Variants in COL14A1 observed in about 807,000 individuals in gnomAD.
COL14A1 encodes collagen alpha-1(XIV) chain.
Under a neutral mutation model 230.3 loss-of-function variants are expected in COL14A1, and 136 were observed. The observed-to-expected ratio is 0.59, with a 90% CI of 0.51 to 0.68. The LOEUF is 0.68. Ranked by LOEUF, COL14A1 falls within the 30% of genes least tolerant of loss-of-function variation. The probability of loss-of-function intolerance (pLI) is 0.00; values close to 1 mark genes in which losing one functional copy is unlikely to be tolerated. For synonymous variants in COL14A1, 792 were observed against 784.1 expected (o/e 1.01, Z -0.17); for missense variants, 1,976 against 2,215.8 (o/e 0.89, Z 2.17).
chr8:120,137,023 G>C (rs73317783), intron 1 of COL14A1, among the ~76,000 whole-genome samples: 11,401 of 146,836 alleles, frequency 0.078, 1,149 homozygotes, highest in African/African-American at 0.23. Flanking sequence ...TTCAGGAAGA[G>C]TTTGTGTAGG....
chr8:120,313,903 T>C lies in COL14A1; in HGVS notation c.4456-29T>C, dbSNP rs752611399. 3 of 1,451,866 alleles carry C rather than the reference T, an allele frequency of 2.1e-6. No individual in the cohort carries two copies. The South Asian group carries it at 3.6e-5, about 17-fold the overall frequency. 89.9% of individuals were successfully genotyped at this position (1,451,866 alleles called of 1,614,324 possible). ...GATGTCAGAGAGTCTAACTTACTTT[T>C]AGGATGATACTTCTCTCTTGCCTTC... On this transcript the variant is annotated intron_variant, in intron 37 of 47. Coordinates refer to ENST00000297848, the MANE Select transcript of COL14A1 (RefSeq NM_021110.4).
At chr8:120,159,969 G>A (rs1180583740) in intron 3 of COL14A1, among the ~76,000 whole-genome samples, 1 of 152,152 alleles carries the variant, frequency 6.6e-6, no homozygotes, top group African/African-American at 2.4e-5. Flanking sequence ...TGGGATTACA[G>A]GTGTGAGCTA....
intron 26 of COL14A1, among the ~76,000 whole-genome samples, chr8:120,275,177 A>G (rs1260864212): frequency 6.6e-6 from 1 of 152,048 alleles, no homozygotes; most frequent in Non-Finnish European, 1.5e-5. Flanking sequence ...GAGAGAACCC[A>G]GAAATAAAGT....
At chr8:120,311,987 C>A (rs1821058700) in intron 37 of COL14A1, among the ~76,000 whole-genome samples, 1 of 151,988 alleles carries the variant, frequency 6.6e-6, no homozygotes, top group Non-Finnish European at 1.5e-5. Context: ...GTCCCAGCTA[C>A]TCGGGAGGCT....
chr8:120,308,261 C>T (rs958057938), intron 36 of COL14A1, among the ~76,000 whole-genome samples: 3 of 152,220 alleles, frequency 2.0e-5, no homozygotes, highest in Non-Finnish European at 4.4e-5. Context: ...GGATTACAGG[C>T]GTGAGCCAGT....
intron 26 of COL14A1, among the ~76,000 whole-genome samples, chr8:120,271,767 T>G (rs1819671828): frequency 6.6e-6 from 1 of 151,596 alleles, no homozygotes; most frequent in Non-Finnish European, 1.5e-5. Flanking sequence ...CAGATCATCT[T>G]GAGTCTTGTG....
chr8:120,203,635 G>T, intron 8 of COL14A1, 74 bp from the exon 9 acceptor site: 1 of 1,474,686 alleles, frequency 6.8e-7, no homozygotes, highest in African/African-American at 1.4e-5. Context: ...GACTGGGTCA[G>T]ATCAGGCCCA....
chr8:120,283,353 A>G (rs936574640), intron 31 of COL14A1, among the ~76,000 whole-genome samples: 2 of 152,234 alleles, frequency 1.3e-5, no homozygotes, highest in African/African-American at 4.8e-5. Flanking sequence ...AAAATAGCCA[A>G]ACAAGAGAAG....
At chr8:120,301,781 C>T (rs1022740299) in intron 36 of COL14A1, among the ~76,000 whole-genome samples, 3 of 152,154 alleles carry the variant, frequency 2.0e-5, no homozygotes, top group African/African-American at 7.2e-5. Flanking sequence ...AATCACCACA[C>T]TGCTTTTCAC....
chr8:120,191,325 G>A (rs1007942667), intron 5 of COL14A1, among the ~76,000 whole-genome samples: 1 of 152,048 alleles, frequency 6.6e-6, no homozygotes, highest in Non-Finnish European at 1.5e-5. Flanking sequence ...TCAGGAGCAG[G>A]TTGTTCAGTT....
chr8:120,308,708 C>T (rs1820927463), intron 36 of COL14A1, among the ~76,000 whole-genome samples: 2 of 152,212 alleles, frequency 1.3e-5, no homozygotes, highest in South Asian at 4.1e-4. Context: ...TTAAGTGATA[C>T]AGCATTCTGC....
chr8:120,289,917 T>C (rs1221697609), intron 34 of COL14A1, 151 bp downstream of exon 34: 4 of 781,810 alleles, frequency 5.1e-6, no homozygotes, highest in Admixed American at 3.2e-5. Flanking sequence ...GATGGATAGA[T>C]GGATGGATAA....
intron 34 of COL14A1, among the ~76,000 whole-genome samples, chr8:120,292,405 A>G (rs879898613): frequency 1.1e-4 from 17 of 152,172 alleles, no homozygotes; most frequent in Admixed American, 2.0e-4. Context: ...AAGTCATAGC[A>G]TTTGTTGAAT....
Position 120,158,239 on chromosome 8 carries a change from A to C in COL14A1, c.198A>C (p.Pro66=). 1 of 1,567,470 alleles carries C rather than the reference A, an allele frequency of 6.4e-7. No individual in the cohort carries two copies. The highest frequency in any genetic ancestry group is 8.8e-7 in the Non-Finnish European group (1 of 1,139,346). The part of the protein sequence containing the change: ...KFGGYKLLVT[P]TSGGKTNQLN... Reference sequence around the variant, plus strand: ...GTGGTTACAAACTTCTTGTGACTCCAACTTCAGGTAAAAACAATTGACTTT... The same window carrying C: ...GTGGTTACAAACTTCTTGTGACTCCCACTTCAGGTAAAAACAATTGACTTT... Residue 66 remains proline (P), a synonymous_variant, in exon 3 of 48, where the codon CCA becomes CCC. Transcript: ENST00000297848.
At chr8:120,173,922 T>C (rs1816187552) in intron 5 of COL14A1, among the ~76,000 whole-genome samples, 1 of 152,220 alleles carries the variant, frequency 6.6e-6, no homozygotes, top group African/African-American at 2.4e-5. Flanking sequence ...TGTTTGCTTT[T>C]AGTCTAAGGT....
intron 22 of COL14A1, 33 bp downstream of exon 22, chr8:120,250,799 A>G (rs1818919549): frequency 1.2e-6 from 2 of 1,611,240 alleles, no homozygotes; most frequent in Non-Finnish European, 8.5e-7. Context: ...TCAGCCGCAT[A>G]TGGGTTTTTG....
intron 5 of COL14A1, among the ~76,000 whole-genome samples, chr8:120,181,727 T>TC (rs1480235286): frequency 6.6e-6 from 1 of 152,142 alleles, no homozygotes; most frequent in African/African-American, 2.4e-5. Flanking sequence ...AGCCCCTTTC[T>TC]CCCCTCACTT....
intron 47 of COL14A1, chr8:120,370,701 T>C: frequency 2.1e-6 from 3 of 1,414,148 alleles, no homozygotes; most frequent in Non-Finnish European, 2.8e-6. Context: ...TAAAGTTACT[T>C]AACTGTGCCT....
chr8:120,197,748 G>T, intron 6 of COL14A1, 63 bp from the exon 7 acceptor site: 1 of 1,548,096 alleles, frequency 6.5e-7, no homozygotes, highest in South Asian at 1.3e-5. Context: ...AGTTTCTTGA[G>T]TAGCCCACTA....
Sources: allele counts gnomAD v4.1 joint callset (sites outside exome capture counted in the v4.1 genomes callset), GRCh38; gene constraint gnomAD v4.1.1; transcripts MANE v1.5; gene names NCBI Gene and HGNC (gene_info 2026-07-23, HGNC 2026-07-21).